Variants in DNM1 observed in about 807,000 individuals in gnomAD.
DNM1 encodes dynamin-1.
A neutral mutation model predicts 104.6 loss-of-function variants in DNM1; 29 were observed. The ratio of observed to expected loss-of-function variants is 0.28; its 90% confidence interval spans 0.21 to 0.38. DNM1 has a LOEUF of 0.38. Ranked by LOEUF, DNM1 falls within the 10% of genes least tolerant of loss-of-function variation. The probability of loss-of-function intolerance (pLI) is 1.00; values close to 1 mark genes in which losing one functional copy is unlikely to be tolerated. For synonymous variants in DNM1, 445 were observed against 475.8 expected, an observed-to-expected ratio of 0.94 and a Z score of 0.84; for missense variants, 640 against 1,189.4, an observed-to-expected ratio of 0.54 and a Z score of 6.79.
chr9:128,222,305 G>A lies in DNM1; in HGVS notation c.958G>A (p.Asp320Asn). 1 of 1,614,048 alleles carries A rather than the reference G, an allele frequency of 6.2e-7. No individual in the cohort carries two copies. The highest frequency in any genetic ancestry group is 2.2e-5 in the East Asian group (1 of 44,888). Residue 320 changes from aspartate (D) to asparagine (N), a missense_variant, in exon 7 of 22, where the codon GAT becomes AAT. Coordinates refer to ENST00000372923, the MANE Select transcript of DNM1 (RefSeq NM_004408.4). This position sits in a 1 kb window ranked among gnomAD's most constrained non-coding sequence, Gnocchi z 7.8. ...GGAGGAATACAAGAACTTCCGCCCT[G>A]ATGACCCAGCTCGCAAGACCAAGGC... ...EVEEYKNFRP[D>N]DPARKTKALL...
intron 14 of DNM1, among the ~76,000 whole-genome samples, chr9:128,241,833 G>T (rs1334121158): frequency 6.6e-6 from 1 of 152,222 alleles, no homozygotes; most frequent in Non-Finnish European, 1.5e-5. Context: ...CTAGGCAGAG[G>T]CGGCAGCAGC....
chr9:128,252,016 T>G, intron 21 of DNM1: 1 of 176,466 alleles, frequency 5.7e-6, no homozygotes, highest in Non-Finnish European at 1.2e-5. Flanking sequence ...AGCAGCATGG[T>G]ATTGGGCAAG....
At chr9:128,229,541 G>A (rs574453934) in intron 10 of DNM1, among the ~76,000 whole-genome samples, 45 of 142,470 alleles carry the variant, frequency 3.2e-4, no homozygotes, top group African/African-American at 1.1e-3. Context: ...AGGCTGCAGT[G>A]AGCTCTGATT....
Position 128,254,420 on chromosome 9 carries a change from C to T in DNM1, c.2535-234C>T. ...GCGTGTGTGGGGTGGGGAGGGCCGCCACAGCCCCCAGGCGCTATCTGTGAA... is the reference window on the plus strand; with the variant it reads ...GCGTGTGTGGGGTGGGGAGGGCCGCTACAGCCCCCAGGCGCTATCTGTGAA... On this transcript the variant is annotated intron_variant, in intron 21 of 21. Transcript: ENST00000372923. The surrounding 1 kb of genome is among the most constrained non-coding windows in gnomAD (Gnocchi z 6.1). The T allele has an allele frequency of 4.9e-6, 7 of 1,434,774 alleles. No homozygotes were observed. In the South Asian group the frequency reaches 6.0e-5, roughly 12 times the overall value. The allele number at this position is 1,434,774 out of a possible 1,614,324, so 88.9% of individuals were successfully genotyped here.
Position 128,254,632 on chromosome 9 carries a change from C to G in DNM1, c.2535-22C>G, listed in dbSNP as rs1444917721. The G allele has an allele frequency of 6.3e-7, 1 of 1,595,290 alleles. No individual in the cohort carries two copies. Among genetic ancestry groups the G allele is most frequent in the Non-Finnish European group, 8.5e-7 (1 of 1,179,134 alleles). Reference sequence around the variant, plus strand: ...CTCGCTTTTCTCTCCCGTTTTCTCTCTGCTTTCTCTCCAACTGCCAGCCGA... The same window carrying G: ...CTCGCTTTTCTCTCCCGTTTTCTCTGTGCTTTCTCTCCAACTGCCAGCCGA... On this transcript the variant is annotated intron_variant, in intron 21 of 21. Coordinates refer to ENST00000372923, the MANE Select transcript of DNM1 (RefSeq NM_004408.4). This position sits in a 1 kb window ranked among gnomAD's most constrained non-coding sequence, Gnocchi z 6.1.
At chr9:128,238,027 G>A (rs958973704) in intron 11 of DNM1, among the ~76,000 whole-genome samples, 6 of 152,060 alleles carry the variant, frequency 3.9e-5, no homozygotes, top group Admixed American at 2.6e-4. Context: ...CTCCTGCCTC[G>A]GCCTTCCAAA....
In DNM1 at chr9:128,220,556, C is replaced by T. The variant is rs1834878330; in HGVS notation, c.849+215C>T. Among the ~76,000 whole-genome samples the T allele has an allele frequency of 6.6e-6, 1 of 152,106 alleles. No homozygotes were observed. The highest frequency in any genetic ancestry group is 2.4e-5 in the African/African-American group (1 of 41,416). On this transcript the variant is annotated intron_variant, in intron 6 of 21. Coordinates refer to ENST00000372923, the MANE Select transcript of DNM1 (RefSeq NM_004408.4). The surrounding 1 kb of genome is among the most constrained non-coding windows in gnomAD (Gnocchi z 5.2). ...CCTGTCTGGGACCTGCCAGGGAAGC[C>T]CTGGAAGTCCCCAACACAGAGAAGG...
chr9:128,222,496 G>A lies in DNM1; in HGVS notation c.1028G>A (p.Arg343His), dbSNP rs1181319175. 3.1e-6 allele frequency: 5 copies of A among 1,614,158 alleles called. No individual in the cohort carries two copies. Among genetic ancestry groups the A allele is most frequent in the East Asian group, 2.2e-5 (1 of 44,884 alleles). The stretch of plus-strand genomic sequence containing the variant: ...CAGTTCGCCGTAGACTTTGAGAAGC[G>A]CATTGAGGGCTCAGGAGATCAGATC... ...VQQFAVDFEK[R>H]IEGSGDQIDT... is the part of the protein sequence containing the mutation. Residue 343 changes from arginine to histidine, a missense_variant, in exon 8 of 22, where the codon CGC becomes CAC. Around this residue, in one of 7 missense-constraint regions of DNM1, gnomAD observed 38 missense variants for 113.5 expected, o/e 0.33. Coordinates refer to ENST00000372923, the MANE Select transcript of DNM1 (RefSeq NM_004408.4). The surrounding 1 kb of genome is among the most constrained non-coding windows in gnomAD (Gnocchi z 7.8).
intron 14 of DNM1, among the ~76,000 whole-genome samples, chr9:128,241,755 A>C (rs1233315208): frequency 6.6e-6 from 1 of 152,164 alleles, no homozygotes; most frequent in African/African-American, 2.4e-5. Flanking sequence ...CTGCCTGAGA[A>C]TGTGAATCCT....
At chr9:128,204,476 ATCCCAC>A (rs1833770675) in intron 1 of DNM1, 1 of 152,314 alleles carries the variant, frequency 6.6e-6, no homozygotes, top group African/African-American at 2.4e-5. Context: ...CCCGCCTCTG[ATCCCAC>A]AAGGCGCTGA....
In DNM1 at chr9:128,220,319, A is replaced by G. The variant is rs752917058; in HGVS notation, c.827A>G (p.Tyr276Cys). Reference sequence around the variant, plus strand: ...TTGGCTGACCGTATGGGCACGCCCTACCTGCAGAAGGTCCTCAATCAGGTA... The same window carrying G: ...TTGGCTGACCGTATGGGCACGCCCTGCCTGCAGAAGGTCCTCAATCAGGTA... The part of the protein sequence containing the change: ...RHLADRMGTP[Y>C]LQKVLNQQLT... The change falls in exon 6 of 22, where the codon TAC becomes TGC. Residue 276 changes from tyrosine to cysteine, a missense_variant. Tyr to Cys is a radical substitution (Grantham distance 194, BLOSUM62 -2). Coordinates refer to ENST00000372923, the MANE Select transcript of DNM1 (RefSeq NM_004408.4). This position sits in a 1 kb window ranked among gnomAD's most constrained non-coding sequence, Gnocchi z 5.2. The G allele has an allele frequency of 6.2e-6, 10 of 1,613,992 alleles. No homozygotes were observed. Among genetic ancestry groups the G allele is most frequent in the Non-Finnish European group, 8.5e-6 (10 of 1,180,040 alleles).
chr9:128,226,228 A>T (rs1225671090), intron 10 of DNM1: 1 of 1,604,058 alleles, frequency 6.2e-7, no homozygotes, highest in Non-Finnish European at 8.5e-7. Flanking sequence ...TTGTGGCCAC[A>T]GCCTCCCGTG....
chr9:128,246,559 T>C, intron 16 of DNM1, 56 bp downstream of exon 16: 1 of 1,351,438 alleles, frequency 7.4e-7, no homozygotes, highest in Non-Finnish European at 1.1e-6. Context: ...CCTCACTGAG[T>C]AGAAGCTGGG....
At chr9:128,246,532 T>A (rs1197556393) in intron 16 of DNM1, 29 bp downstream of exon 16, 1 of 1,569,112 alleles carries the variant, frequency 6.4e-7, no homozygotes, top group Non-Finnish European at 8.8e-7. Flanking sequence ...CTGTGGCTGC[T>A]GCAGCCCCAA....
chr9:128,228,991 A>G (rs1835502825), intron 10 of DNM1, among the ~76,000 whole-genome samples: 1 of 141,410 alleles, frequency 7.1e-6, no homozygotes, highest in South Asian at 2.5e-4. Context: ...TCAAAAAAAA[A>G]AGAAAGAAAG....
intron 21 of DNM1, chr9:128,251,312 C>G (rs1344413402): frequency 2.5e-6 from 1 of 399,230 alleles, no homozygotes; most frequent in East Asian, 7.8e-5. Flanking sequence ...TCCAATTCCT[C>G]TCCCAGCCCC....
rs550764968 is a variant in DNM1 at position 128,234,014 on chromosome 9, T to G, written c.1336-7T>G. 1.3e-6 allele frequency: 2 copies of G among 1,559,246 alleles called. No homozygotes were observed. The highest frequency in any genetic ancestry group is 1.7e-6 in the Non-Finnish European group (2 of 1,152,002). ...ACGTGGCTTTCTGCCCTCCTGCCCT[T>G]CCCCAGCTCCAGCAGTACCCGCGGC... is the stretch of plus-strand genomic sequence containing the variant. On this transcript the variant is annotated splice_polypyrimidine_tract_variant and splice_region_variant and intron_variant, in intron 10 of 21. Transcript: ENST00000372923.
Position 128,245,714 on chromosome 9 carries a change from C to A in DNM1, c.1672-680C>A, listed in dbSNP as rs1836757746. Among the ~76,000 whole-genome samples the A allele has an allele frequency of 6.6e-6, 1 of 152,236 alleles. No individual in the cohort carries two copies. Among genetic ancestry groups the A allele is most frequent in the South Asian group, 2.1e-4 (1 of 4,832 alleles). ...AACATGTAGGCTCGCACAATTGCCACACACATCCACAAAGTGTGCACACAT... is the reference window on the plus strand; with the variant it reads ...AACATGTAGGCTCGCACAATTGCCAAACACATCCACAAAGTGTGCACACAT... On this transcript the variant is annotated intron_variant, in intron 15 of 21. Coordinates refer to ENST00000372923, the MANE Select transcript of DNM1 (RefSeq NM_004408.4). This position sits in a 1 kb window ranked among gnomAD's most constrained non-coding sequence, Gnocchi z 5.2.
chr9:128,217,225 C>A (rs1249202970), intron 1 of DNM1, among the ~76,000 whole-genome samples: 1 of 152,158 alleles, frequency 6.6e-6, no homozygotes, highest in Non-Finnish European at 1.5e-5. Flanking sequence ...AGTGTCACTG[C>A]AGAGTCAAAT....
Sources: gnomAD v4.1 joint callset for allele counts (sites outside exome capture counted in the v4.1 genomes callset) on GRCh38, gnomAD v4.1.1 for gene constraint, gnomAD v4.1.1 regional missense constraint, Gnocchi (gnomAD v3.1) non-coding constraint, MANE v1.5 for transcripts, NCBI Gene and HGNC (gene_info 2026-07-23, HGNC 2026-07-21) for gene names.